PLCD1: variants seen among roughly 807,000 people sequenced by gnomAD.
The protein encoded by PLCD1 is 1-phosphatidylinositol 4,5-bisphosphate phosphodiesterase delta-1.
PLCD1 carries 71 observed loss-of-function variants against 87.4 expected under a neutral mutation model. The observed-to-expected ratio is 0.81, with a 90% CI of 0.67 to 0.99. The LOEUF (loss-of-function observed/expected upper bound fraction) is 0.99, where lower values mean the gene tolerates loss of function less well. Ranked by LOEUF, PLCD1 falls within the 50% of genes least tolerant of loss-of-function variation. PLCD1 has a pLI of 0.00. For missense variants in PLCD1, 867 were observed against 1,001.5 expected, an observed-to-expected ratio of 0.87 and a Z score of 1.81; for synonymous variants, 348 against 399.2, an observed-to-expected ratio of 0.87 and a Z score of 1.53.
chr3:38,029,163 T>G (rs1241507898), intron 1 of PLCD1, among the ~76,000 whole-genome samples: 1 of 152,250 alleles, frequency 6.6e-6, no homozygotes, highest in African/African-American at 2.4e-5. Flanking sequence ...GTTTCCTTCC[T>G]TCGCCGCCCC....
rs1368860743 is a variant in PLCD1 at position 38,007,725 on chromosome 3, A to T, written c.*48T>A. On this transcript the variant is annotated 3_prime_UTR_variant, in exon 15 of 15. Transcript: ENST00000334661. ...ACACCAGCCCTGTCCCCACATGTGG[A>T]CAGAGGGCCCAGCCCACTCAGGGGG... The T allele has an allele frequency of 2.9e-6, 4 of 1,399,176 alleles. No homozygotes were observed. Among genetic ancestry groups the T allele is most frequent in the African/African-American group, 2.8e-5 (2 of 70,650 alleles). 86.7% of individuals were successfully genotyped at this position (1,399,176 alleles called of 1,614,324 possible). A position where few individuals can be genotyped will look rare whatever the true frequency, so the allele number is the denominator to read the frequency against.
intron 1 of PLCD1, among the ~76,000 whole-genome samples, chr3:38,027,412 TTA>T (rs1700320785): frequency 6.6e-6 from 1 of 152,204 alleles, no homozygotes; most frequent in Non-Finnish European, 1.5e-5. Context: ...GTAGATGGTA[TTA>T]TCCCCCATTT....
In PLCD1 at chr3:38,018,447, C is replaced by A. The variant is rs1010504262; in HGVS notation, c.200-1728G>T. On this transcript the variant is annotated intron_variant, in intron 2 of 14. Coordinates refer to ENST00000334661, the MANE Select transcript of PLCD1 (RefSeq NM_006225.4). The surrounding 1 kb of genome is among the most constrained non-coding windows in gnomAD (Gnocchi z 5.7). Reference sequence around the variant, plus strand: ...GCCTGTTCCTCCTCCTCACCCTGCACCTTGGCTCACACTGGGCCTCCTGCC... The same window carrying A: ...GCCTGTTCCTCCTCCTCACCCTGCAACTTGGCTCACACTGGGCCTCCTGCC... Among the ~76,000 whole-genome samples the A allele has an allele frequency of 6.6e-6, 1 of 152,146 alleles. No homozygotes were observed. Among genetic ancestry groups the A allele is most frequent in the Admixed American group, 6.5e-5 (1 of 15,286 alleles).
Position 38,011,173 on chromosome 3 carries a change from G to GC in PLCD1, c.790+40dup, listed in dbSNP as rs769336157. ...CCCAGGGGTCTCCCAGCCCAGTGCG[G>GC]CCCTGCGACTGCAGGTAGCAGGCCC... On this transcript the variant is annotated intron_variant, in intron 5 of 14. Coordinates refer to ENST00000334661, the MANE Select transcript of PLCD1 (RefSeq NM_006225.4). 5.6e-5 allele frequency: 84 copies of GC among 1,496,058 alleles called. 1 individual carries two copies. The Admixed American group carries it at 6.3e-4, about 11-fold the overall frequency. 92.7% of individuals were successfully genotyped at this position (1,496,058 alleles called of 1,614,324 possible). A position where few individuals can be genotyped will look rare whatever the true frequency, so the allele number is the denominator to read the frequency against.
At chr3:38,009,875 C>T in intron 8 of PLCD1, 29 bp downstream of exon 8, 3 of 1,597,444 alleles carry the variant, frequency 1.9e-6, no homozygotes, top group Non-Finnish European at 1.7e-6. Context: ...CCCACCCTCC[C>T]CCAGGGATCC....
chr3:38,027,004 G>A (rs1470088307), intron 1 of PLCD1, among the ~76,000 whole-genome samples: 1 of 152,182 alleles, frequency 6.6e-6, no homozygotes, highest in Non-Finnish European at 1.5e-5. Flanking sequence ...GTATGTGGGG[G>A]GTGTTCAGTG....
At position 38,011,321 on chromosome 3, in the gene PLCD1, A is replaced by G; in HGVS notation, c.683T>C (p.Leu228Pro). Residue 228 changes from leucine (L) to proline (P), a missense_variant, in exon 5 of 15, where the codon CTG becomes CCG. Leu to Pro is a moderately conservative substitution (Grantham distance 98). Coordinates refer to ENST00000334661, the MANE Select transcript of PLCD1 (RefSeq NM_006225.4). Reference sequence around the variant, plus strand: ...GAACGTCACTAACTGATCCACCGACAGAGTCTCCCCTGAGCCCGCGGCCTC... The same window carrying G: ...GAACGTCACTAACTGATCCACCGACGGAGTCTCCCCTGAGCCCGCGGCCTC... ...FAEAAGSGET[L>P]SVDQLVTFLQ... The G allele has an allele frequency of 6.2e-7, 1 of 1,612,250 alleles. No individual in the cohort carries two copies. Among genetic ancestry groups the G allele is most frequent in the South Asian group, 1.1e-5 (1 of 90,998 alleles).
Position 38,009,174 on chromosome 3 carries a change from G to T in PLCD1, c.1607-16C>A, listed in dbSNP as rs1559370950. 1 of 1,613,598 alleles carries T rather than the reference G, an allele frequency of 6.2e-7. No homozygotes were observed. The highest frequency in any genetic ancestry group is 8.5e-7 in the Non-Finnish European group (1 of 1,179,516). On this transcript the variant is annotated splice_polypyrimidine_tract_variant and intron_variant, in intron 10 of 14. Coordinates refer to ENST00000334661, the MANE Select transcript of PLCD1 (RefSeq NM_006225.4). ...AAGCCGTTTCCTGAGGGGAGGTGTGGTTCGGTCAGCAGTGGAGGCCTCCTG... is the reference window on the plus strand; with the variant it reads ...AAGCCGTTTCCTGAGGGGAGGTGTGTTTCGGTCAGCAGTGGAGGCCTCCTG...
intron 1 of PLCD1, among the ~76,000 whole-genome samples, chr3:38,021,071 G>T (rs899057831): frequency 1.3e-5 from 2 of 152,190 alleles, no homozygotes; most frequent in Non-Finnish European, 2.9e-5. Flanking sequence ...GATAATGGCA[G>T]TTGGGGTTCT....
chr3:38,028,450 C>G (rs1237375148), intron 1 of PLCD1, among the ~76,000 whole-genome samples: 4 of 152,220 alleles, frequency 2.6e-5, no homozygotes, highest in African/African-American at 9.6e-5. Context: ...CTCTAAGTCC[C>G]TCTAAATTCC....
At position 38,007,731 on chromosome 3, in the gene PLCD1, G is replaced by A. The variant is rs778188535; in HGVS notation, c.*42C>T. 6 of 1,450,648 alleles carry A rather than the reference G, an allele frequency of 4.1e-6. No homozygotes were observed. The Admixed American group carries it at 8.4e-5, about 20-fold the overall frequency. 89.9% of individuals were successfully genotyped at this position (1,450,648 alleles called of 1,614,324 possible). ...GCCCTGTCCCCACATGTGGACAGAGGGCCCAGCCCACTCAGGGGGGACCCC... is the reference window on the plus strand; with the variant it reads ...GCCCTGTCCCCACATGTGGACAGAGAGCCCAGCCCACTCAGGGGGGACCCC... On this transcript the variant is annotated 3_prime_UTR_variant, in exon 15 of 15. Transcript: ENST00000334661.
Position 38,025,384 on chromosome 3 carries a change from G to C in PLCD1, c.34+4122C>G, listed in dbSNP as rs889829672. On this transcript the variant is annotated intron_variant, in intron 1 of 14. Coordinates refer to ENST00000334661, the MANE Select transcript of PLCD1 (RefSeq NM_006225.4). This position sits in a 1 kb window ranked among gnomAD's most constrained non-coding sequence, Gnocchi z 4.0. ...AGGGGAGTCCCAGTGGGAGGTGGAT[G>C]GCAGTCTAGCGGGGACCTGAGTGGG... Among the ~76,000 whole-genome samples the C allele has an allele frequency of 6.6e-6, 1 of 152,186 alleles. No homozygotes were observed. The highest frequency in any genetic ancestry group is 1.5e-5 in the Non-Finnish European group (1 of 68,024).
intron 1 of PLCD1, among the ~76,000 whole-genome samples, chr3:38,022,360 G>A (rs866400711): frequency 6.6e-6 from 1 of 152,202 alleles, no homozygotes; most frequent in African/African-American, 2.4e-5. Context: ...GGCCACCTCC[G>A]GCCTCCGGCG....
rs1168384128 is a variant in PLCD1 at position 38,010,564 on chromosome 3, TGGGA to T, written c.791-6_791-3del. 8.1e-6 allele frequency: 13 copies of T among 1,611,580 alleles called. No homozygotes were observed. Among genetic ancestry groups the T allele is most frequent in the Non-Finnish European group, 1.1e-5 (13 of 1,178,748 alleles). ...TGGTCATCTGCCGCTGCGCCTTGGC[TGGGA>T]GGGAGGAGGCCACTGCCCGTCAGAG... is the stretch of plus-strand genomic sequence containing the variant. On this transcript the variant is annotated splice_region_variant and splice_polypyrimidine_tract_variant and intron_variant, in intron 5 of 14. Transcript: ENST00000334661.
At chr3:38,020,435 G>A (rs1323803463) in intron 1 of PLCD1, 83 bp from the exon 2 acceptor site, 23 of 1,317,312 alleles carry the variant, frequency 1.7e-5, no homozygotes, top group African/African-American at 4.3e-5. Flanking sequence ...TGCCCACCTC[G>A]ACCCTCTCAG....
chr3:38,009,200 G>A lies in PLCD1; in HGVS notation c.1607-42C>T, dbSNP rs73060835. ...TTCGGTCAGCAGTGGAGGCCTCCTGGTGAGGCCCAAGCCCTGCCCTGCCAA... is the reference window on the plus strand; with the variant it reads ...TTCGGTCAGCAGTGGAGGCCTCCTGATGAGGCCCAAGCCCTGCCCTGCCAA... On this transcript the variant is annotated intron_variant, in intron 10 of 14. Coordinates refer to ENST00000334661, the MANE Select transcript of PLCD1 (RefSeq NM_006225.4). The A allele has an allele frequency of 0.045, 72,693 of 1,609,266 alleles. 1,801 individuals carry two copies. The highest frequency in any genetic ancestry group is 0.064 in the Middle Eastern group (390 of 6,056).
At position 38,009,252 on chromosome 3, in the gene PLCD1, G is replaced by A; in HGVS notation, c.1606+20C>T. The A allele has an allele frequency of 6.2e-7, 1 of 1,613,946 alleles. No homozygotes were observed. Among genetic ancestry groups the A allele is most frequent in the Non-Finnish European group, 8.5e-7 (1 of 1,179,850 alleles). On this transcript the variant is annotated intron_variant, in intron 10 of 14. Transcript: ENST00000334661. ...TCTCTCTGTAACAGAGCAGGGGAGT[G>A]GTGGGGAGCCAGGCCTCACCTGATT...
At chr3:38,021,059 A>G (rs3753169) in intron 1 of PLCD1, among the ~76,000 whole-genome samples, 104,491 of 151,822 alleles carry the variant, frequency 0.69, 36,306 homozygotes, top group South Asian at 0.78. Context: ...TGCAGGCCCC[A>G]AGATAATGGC....
In PLCD1 at chr3:38,012,540, G is replaced by C. The variant is rs111967357; in HGVS notation, c.429-867C>G. 9.4e-4 allele frequency among the ~76,000 whole-genome samples: 135 copies of C among 144,012 alleles called. 1 individual carries two copies. Among genetic ancestry groups the C allele is most frequent in the African/African-American group, 3.4e-3 (131 of 38,746 alleles). The allele number at this position is 144,012 out of a possible 152,430, so 94.5% of individuals were successfully genotyped here. ...AGTTTTTTTTTTTTTTTTTGGAGAC[G>C]GAGTCTTGCTCTGTTGCCCAGGCTA... On this transcript the variant is annotated intron_variant, in intron 3 of 14. Transcript: ENST00000334661.
Sources: gnomAD v4.1 joint callset for allele counts (sites outside exome capture counted in the v4.1 genomes callset) on GRCh38, gnomAD v4.1.1 for gene constraint, Gnocchi (gnomAD v3.1) non-coding constraint, MANE v1.5 for transcripts, NCBI Gene and HGNC (gene_info 2026-07-23, HGNC 2026-07-21) for gene names.